The following RAPGEFL1 variants were observed in gnomAD, a reference collection of about 807,000 sequenced individuals.
The protein encoded by RAPGEFL1 is Rap guanine nucleotide exchange factor like 1.
RAPGEFL1 carries 31 observed loss-of-function variants against 64.4 expected under a neutral mutation model. That is an observed-to-expected ratio of 0.48 (90% CI 0.36 to 0.65). RAPGEFL1 has a LOEUF of 0.65. Among genes scored for constraint, RAPGEFL1 ranks in the 30% least tolerant of loss-of-function variants. The probability of loss-of-function intolerance (pLI) is 0.00; values close to 1 mark genes in which losing one functional copy is unlikely to be tolerated. For synonymous variants in RAPGEFL1, 331 were observed against 274.1 expected (o/e 1.21, Z -2.05); for missense variants, 682 against 677.4 (o/e 1.01, Z -0.08).
Position 40,194,637 on chromosome 17 carries a change from C to G in RAPGEFL1, c.*849C>G, listed in dbSNP as rs558400032. ...GCCTCAGCTGCCTAGAGGACCCTCCCCCTGCCTTGCAGTGGGCTCGGGTAG... is the reference window on the plus strand; with the variant it reads ...GCCTCAGCTGCCTAGAGGACCCTCCGCCTGCCTTGCAGTGGGCTCGGGTAG... On this transcript the variant is annotated 3_prime_UTR_variant, in exon 15 of 15. Coordinates refer to ENST00000620260, the MANE Select transcript of RAPGEFL1 (RefSeq NM_016339.6). 1 of 152,814 alleles carries G rather than the reference C, an allele frequency of 6.5e-6. No individual in the cohort carries two copies. The highest frequency in any genetic ancestry group is 2.1e-4 in the South Asian group (1 of 4,828). The allele number at this position is 152,814 out of a possible 1,614,324, so 9.5% of individuals were successfully genotyped here.
chr17:40,192,635 A>C lies in RAPGEFL1; in HGVS notation c.1686A>C (p.Arg562=). The change falls in exon 12 of 15, where the codon CGA becomes CGC. Residue 562 remains arginine, a synonymous_variant. Coordinates refer to ENST00000620260, the MANE Select transcript of RAPGEFL1 (RefSeq NM_016339.6). ...TDPCRNHKSY[R]EVISKMKPPV... ...CCTGCAGGAACCACAAAAGCTACCG[A>C]GAAGTGATCTCCAAAATGAAGCCCC... 1 of 1,613,974 alleles carries C rather than the reference A, an allele frequency of 6.2e-7. No homozygotes were observed. Among genetic ancestry groups the C allele is most frequent in the Non-Finnish European group, 8.5e-7 (1 of 1,179,948 alleles).
chr17:40,181,484 A>C (rs1212654943), intron 1 of RAPGEFL1, 132 bp from the exon 2 acceptor site: 1 of 672,144 alleles, frequency 1.5e-6, no homozygotes, highest in Non-Finnish European at 2.7e-6. Flanking sequence ...AGAGCATGAC[A>C]AGGCAGGTGG....
chr17:40,189,831 C>G (rs1990199924), intron 6 of RAPGEFL1, among the ~76,000 whole-genome samples: 1 of 152,174 alleles, frequency 6.6e-6, no homozygotes, highest in East Asian at 1.9e-4. Flanking sequence ...TGGTGTGCAC[C>G]TGTAATCCCA....
chr17:40,183,462 A>G (rs924062421), intron 2 of RAPGEFL1, among the ~76,000 whole-genome samples: 2 of 151,798 alleles, frequency 1.3e-5, no homozygotes, highest in African/African-American at 4.8e-5. Context: ...TCTGGCCCCA[A>G]ATCTAGAGAA....
At chr17:40,178,884 G>T (rs1411910873) in intron 1 of RAPGEFL1, among the ~76,000 whole-genome samples, 3 of 152,210 alleles carry the variant, frequency 2.0e-5, no homozygotes, top group Admixed American at 2.0e-4. Flanking sequence ...TGCCTTTTAG[G>T]CATCAGCAAA....
Position 40,177,804 on chromosome 17 carries a change from C to G in RAPGEFL1, c.-58C>G, listed in dbSNP as rs572026908. 2.4e-4 allele frequency: 100 copies of G among 410,764 alleles called. 1 individual carries two copies. Among genetic ancestry groups the G allele is most frequent in the African/African-American group, 1.8e-3 (90 of 48,738 alleles). 25.4% of individuals were successfully genotyped at this position (410,764 alleles called of 1,614,324 possible). A position where few individuals can be genotyped will look rare whatever the true frequency, so the allele number is the denominator to read the frequency against. ...CATCGTGTCTTCGCCGCCCCCCCCG[C>G]CCGCGCCTGGGATACCTGGGTCCCC... On this transcript the variant is annotated 5_prime_UTR_variant, in exon 1 of 15. Transcript: ENST00000620260.
At chr17:40,186,486 T>G (rs1404989493) in intron 4 of RAPGEFL1, among the ~76,000 whole-genome samples, 2 of 140,956 alleles carry the variant, frequency 1.4e-5, no homozygotes, top group African/African-American at 2.7e-5. Context: ...GAGAATGGCG[T>G]GAACCCGGGA....
rs550399668 is a variant in RAPGEFL1 at position 40,191,200 on chromosome 17, C to A, written c.1336-116C>A. On this transcript the variant is annotated intron_variant, in intron 8 of 14. Transcript: ENST00000620260. The surrounding 1 kb of genome is among the most constrained non-coding windows in gnomAD (Gnocchi z 5.1). ...GTCCTTTCTATTTTTCTATTTTCCA[C>A]CCCTTCCGCCCCCGCCCTCCTGCCT... 3.3e-6 allele frequency: 3 copies of A among 919,844 alleles called. No homozygotes were observed. The highest frequency in any genetic ancestry group is 4.7e-6 in the Non-Finnish European group (3 of 638,416). 57.0% of individuals were successfully genotyped at this position (919,844 alleles called of 1,614,324 possible). A position where few individuals can be genotyped will look rare whatever the true frequency, so the allele number is the denominator to read the frequency against.
intron 1 of RAPGEFL1, among the ~76,000 whole-genome samples, chr17:40,179,652 T>C (rs775425025): frequency 3.3e-5 from 5 of 152,162 alleles, no homozygotes; most frequent in Non-Finnish European, 7.3e-5. Context: ...ATCTGGTTAG[T>C]TCTGAGGTAG....
At chr17:40,180,980 G>A (rs1289709353) in intron 1 of RAPGEFL1, among the ~76,000 whole-genome samples, 1 of 152,244 alleles carries the variant, frequency 6.6e-6, no homozygotes, top group African/African-American at 2.4e-5. Context: ...CCAGACGGGG[G>A]TGTGGAGGGG....
chr17:40,184,406 C>A (rs901075334), intron 3 of RAPGEFL1, 57 bp downstream of exon 3: 127 of 1,470,498 alleles, frequency 8.6e-5, no homozygotes, highest in Non-Finnish European at 1.2e-5. Context: ...GAAGGGGGCC[C>A]CTGTGAAGGA....
rs949761961 is a variant in RAPGEFL1, at chr17:40,192,660, C to G, written c.1711C>G (p.Pro571Ala). 6.2e-7 allele frequency: 1 copy of G among 1,613,984 alleles called. No homozygotes were observed. ...AGAAGTGATCTCCAAAATGAAGCCC[C>G]CTGTGATTCCCTTCGTGCCTCTGAT... is the stretch of plus-strand genomic sequence containing the variant. ...YREVISKMKP[P>A]VIPFVPLILK... Residue 571 changes from proline (P) to alanine (A), a missense_variant, in exon 12 of 15, where the codon CCT becomes GCT. Physicochemically the swap from Pro to Ala is conservative, Grantham distance 27 (BLOSUM62 -1). Around this residue, in one of 2 missense-constraint regions of RAPGEFL1, gnomAD observed 411 missense variants for 519.4 expected, o/e 0.79. Coordinates refer to ENST00000620260, the MANE Select transcript of RAPGEFL1 (RefSeq NM_016339.6).
chr17:40,177,025 A>G (rs1489387069), upstream of RAPGEFL1: 2 of 701,348 alleles, frequency 2.9e-6, no homozygotes, highest in South Asian at 3.0e-5. Flanking sequence ...GCCCTACCAG[A>G]GAGGACAGAT....
chr17:40,192,561 G>T, intron 11 of RAPGEFL1, 45 bp from the exon 12 acceptor site: 1 of 1,486,980 alleles, frequency 6.7e-7, no homozygotes, highest in Non-Finnish European at 9.4e-7. Context: ...TCTTTGGGAT[G>T]CATTGGCCAG....
In RAPGEFL1 at chr17:40,177,762, G is replaced by A; in HGVS notation, c.-100G>A. On this transcript the variant is annotated 5_prime_UTR_variant, in exon 1 of 15. Transcript: ENST00000620260. Reference sequence around the variant, plus strand: ...GGCGCCTGGCACGGCCCTCTACTCTGCTCCTCCAGCTCTGAGCATCGTGTC... The same window carrying A: ...GGCGCCTGGCACGGCCCTCTACTCTACTCCTCCAGCTCTGAGCATCGTGTC... 1 of 409,076 alleles carries A rather than the reference G, an allele frequency of 2.4e-6. No individual in the cohort carries two copies. 25.3% of individuals were successfully genotyped at this position (409,076 alleles called of 1,614,324 possible). A position where few individuals can be genotyped will look rare whatever the true frequency, so the allele number is the denominator to read the frequency against.
At chr17:40,188,772 C>T in intron 4 of RAPGEFL1, 94 bp from the exon 5 acceptor site, 1 of 983,162 alleles carries the variant, frequency 1.0e-6, no homozygotes. Flanking sequence ...CATCCTTGAC[C>T]CAATTCTGAT....
intron 1 of RAPGEFL1, among the ~76,000 whole-genome samples, chr17:40,179,011 A>G (rs1248574638): frequency 6.6e-6 from 1 of 150,786 alleles, no homozygotes; most frequent in East Asian, 1.9e-4. Flanking sequence ...TGCAGCATCC[A>G]GGGTGTCCAA....
At position 40,191,615 on chromosome 17, in the gene RAPGEFL1, C is replaced by T. The variant is rs768889386; in HGVS notation, c.1548C>T (p.Tyr516=). 6.3e-6 allele frequency: 10 copies of T among 1,588,818 alleles called. No homozygotes were observed. Among genetic ancestry groups the T allele is most frequent in the Non-Finnish European group, 7.7e-6 (9 of 1,165,376 alleles). The part of the protein sequence containing the change: ...CKQNQDLLSF[Y]AVVMGLDNAA... ...AGAACCAGGACCTGCTGTCTTTCTACGCCGTGGTCATGGGGCTGGACAACG... is the reference window on the plus strand; with the variant it reads ...AGAACCAGGACCTGCTGTCTTTCTATGCCGTGGTCATGGGGCTGGACAACG... Residue 516 remains tyrosine, a synonymous_variant, in exon 10 of 15, where the codon TAC becomes TAT. Coordinates refer to ENST00000620260, the MANE Select transcript of RAPGEFL1 (RefSeq NM_016339.6). The surrounding 1 kb of genome is among the most constrained non-coding windows in gnomAD (Gnocchi z 5.1).
Position 40,178,017 on chromosome 17 carries a change from G to T in RAPGEFL1, c.156G>T (p.Ser52=). ...GGGGPAGGQR[S]LQRRQSVSRL... is the part of the protein sequence containing the mutation. ...GCGGTCCAGCCGGGGGACAGCGGTC[G>T]TTGCAGCGGCGTCAGAGCGTGTCTC... The change falls in exon 1 of 15, where the codon TCG becomes TCT. Residue 52 remains serine, a synonymous_variant. Transcript: ENST00000620260. The T allele has an allele frequency of 2.0e-6, 1 of 511,822 alleles. No homozygotes were observed. The highest frequency in any genetic ancestry group is 4.1e-5 in the Admixed American group (1 of 24,350). The allele number at this position is 511,822 out of a possible 1,614,324, so 31.7% of individuals were successfully genotyped here.
Sources: gnomAD v4.1 joint callset for allele counts (sites outside exome capture counted in the v4.1 genomes callset) on GRCh38, gnomAD v4.1.1 for gene constraint, gnomAD v4.1.1 regional missense constraint, Gnocchi (gnomAD v3.1) non-coding constraint, MANE v1.5 for transcripts, NCBI Gene and HGNC (gene_info 2026-07-23, HGNC 2026-07-21) for gene names.